Variants in DCUN1D1 observed in about 807,000 individuals in gnomAD.
DCUN1D1 encodes the protein defective in cullin neddylation 1 domain containing 1.
DCUN1D1 carries 3 observed loss-of-function variants against 39.0 expected under a neutral mutation model. The observed-to-expected ratio is 0.08, with a 90% CI of 0.04 to 0.20. The LOEUF is 0.20. DCUN1D1 is among the 10% of genes least tolerant of loss of function. DCUN1D1 has a pLI of 1.00. For missense variants in DCUN1D1, 158 were observed against 302.4 expected (o/e 0.52, Z 3.54); for synonymous variants, 82 against 96.3 (o/e 0.85, Z 0.87).
intron 1 of DCUN1D1, among the ~76,000 whole-genome samples, chr3:182,979,834 G>A (rs1414052050): frequency 2.0e-5 from 3 of 152,038 alleles, no homozygotes; most frequent in Non-Finnish European, 4.4e-5. Flanking sequence ...CAGTAGAGAG[G>A]TAAATATAAC....
chr3:182,955,582 T>C (rs1727003610), intron 4 of DCUN1D1: 1 of 484,508 alleles, frequency 2.1e-6, no homozygotes, highest in East Asian at 5.3e-5. Context: ...ACATACTCCA[T>C]CAGGAGGGTT....
At chr3:182,949,421 G>A (rs1577160807) in intron 4 of DCUN1D1, among the ~76,000 whole-genome samples, 1 of 151,864 alleles carries the variant, frequency 6.6e-6, no homozygotes, top group East Asian at 1.9e-4. Flanking sequence ...CAGATGATTT[G>A]TAAGAAATCA....
At chr3:182,965,180 T>C (rs1240624316) in intron 2 of DCUN1D1, among the ~76,000 whole-genome samples, 1 of 152,220 alleles carries the variant, frequency 6.6e-6, no homozygotes, top group Non-Finnish European at 1.5e-5. Context: ...TATTCACCTA[T>C]TATGCAGTTG....
Position 182,965,589 on chromosome 3 carries a change from T to C in DCUN1D1, c.168A>G (p.Val56=), listed in dbSNP as rs761687935. ...ACTTCTTCCTGTCCAATGATCCTTT[T>C]ACACTCTCTCGTATATAAAGTTCAG... The part of the protein sequence containing the change: ...QNPELYIRES[V]KGSLDRKKLE... The change falls in exon 2 of 7, where the codon GTA becomes GTG. Residue 56 remains valine (V), a synonymous_variant. Coordinates refer to ENST00000292782, the MANE Select transcript of DCUN1D1 (RefSeq NM_020640.4). 6 of 1,613,738 alleles carry C rather than the reference T, an allele frequency of 3.7e-6. No individual in the cohort carries two copies. The Admixed American group carries it at 8.3e-5, about 22-fold the overall frequency.
chr3:182,962,841 C>T (rs1398418785), intron 3 of DCUN1D1, among the ~76,000 whole-genome samples: 1 of 152,062 alleles, frequency 6.6e-6, no homozygotes, highest in Non-Finnish European at 1.5e-5. Context: ...AGTGCAATGG[C>T]GTGATCTCGG....
At chr3:182,981,971 A>G (rs564360283), upstream of DCUN1D1, among the ~76,000 whole-genome samples, 50 of 152,358 alleles carry the variant, frequency 3.3e-4, no homozygotes, top group South Asian at 0.01. Flanking sequence ...CTGAAACTGG[A>G]CTACATCCAC....
rs1726057501 is a variant in DCUN1D1, at chr3:182,939,787, A to G, written c.*5307T>C. 1 of 152,214 alleles carries G rather than the reference A, an allele frequency of 6.6e-6. No individual in the cohort carries two copies. 9.4% of individuals were successfully genotyped at this position (152,214 alleles called of 1,614,324 possible). On this transcript the variant is annotated 3_prime_UTR_variant, in exon 7 of 7. Coordinates refer to ENST00000292782, the MANE Select transcript of DCUN1D1 (RefSeq NM_020640.4). Reference sequence around the variant, plus strand: ...ACTGCACAACTCTTAAGTTTACTAAAAACAATTAATTGTACATGTACAATG... The same window carrying G: ...ACTGCACAACTCTTAAGTTTACTAAGAACAATTAATTGTACATGTACAATG...
intron 1 of DCUN1D1, among the ~76,000 whole-genome samples, chr3:182,972,205 T>A (rs1284861798): frequency 6.6e-6 from 1 of 151,828 alleles, no homozygotes; most frequent in South Asian, 2.1e-4. Flanking sequence ...TAGTTTTAAA[T>A]GTACACAGGT....
Position 182,942,433 on chromosome 3 carries a change from A to G in DCUN1D1, c.*2661T>C, listed in dbSNP as rs998239380. ...TATGACAGGGACTGTAAGAAACACA[A>G]TTGAACTTACAGAGATATGCAGATG... On this transcript the variant is annotated 3_prime_UTR_variant, in exon 7 of 7. Transcript: ENST00000292782. The G allele has an allele frequency of 1.3e-5, 2 of 152,132 alleles. No homozygotes were observed. The highest frequency in any genetic ancestry group is 2.4e-5 in the African/African-American group (1 of 41,436). 9.4% of individuals were successfully genotyped at this position (152,132 alleles called of 1,614,324 possible). A position where few individuals can be genotyped will look rare whatever the true frequency, so the allele number is the denominator to read the frequency against.
chr3:182,976,300 A>G (rs1426647608), intron 1 of DCUN1D1, among the ~76,000 whole-genome samples: 1 of 152,126 alleles, frequency 6.6e-6, no homozygotes, highest in Non-Finnish European at 1.5e-5. Context: ...CGTACCACTC[A>G]GAATCCTTCA....
At chr3:182,958,946 A>C (rs1204167428) in intron 4 of DCUN1D1, among the ~76,000 whole-genome samples, 1 of 152,222 alleles carries the variant, frequency 6.6e-6, no homozygotes, top group African/African-American at 2.4e-5. Flanking sequence ...GAAATAGGTT[A>C]TGTCCCTTTA....
upstream of DCUN1D1, among the ~76,000 whole-genome samples, chr3:182,984,054 G>A (rs1342697724): frequency 6.6e-6 from 1 of 152,238 alleles, no homozygotes. Context: ...GTGTCAAAGT[G>A]AGTGCCTGAC....
intron 6 of DCUN1D1, among the ~76,000 whole-genome samples, chr3:182,945,764 G>A (rs73065095): frequency 0.025 from 3,839 of 152,250 alleles, 151 homozygotes; most frequent in African/African-American, 0.087. Flanking sequence ...CCTATTTCAT[G>A]CTAATACGTT....
chr3:182,978,297 G>GT (rs1336266101), intron 1 of DCUN1D1, among the ~76,000 whole-genome samples: 3 of 152,146 alleles, frequency 2.0e-5, no homozygotes, highest in Non-Finnish European at 4.4e-5. Context: ...ACAAATATAT[G>GT]TAAGATAACT....
At chr3:182,951,640 AAAAAAAC>A (rs1201715545) in intron 4 of DCUN1D1, among the ~76,000 whole-genome samples, 1 of 148,664 alleles carries the variant, frequency 6.7e-6, no homozygotes, top group African/African-American at 2.4e-5. Flanking sequence ...AAAAAAAAAA[AAAAAAAC>A]CACCACACAC....
At chr3:182,956,905 C>T (rs1727101650) in intron 4 of DCUN1D1, among the ~76,000 whole-genome samples, 2 of 152,120 alleles carry the variant, frequency 1.3e-5, no homozygotes, top group Non-Finnish European at 2.9e-5. Context: ...ATATGATGTT[C>T]AACTTTATGG....
At chr3:182,979,818 TG>T (rs1298092801) in intron 1 of DCUN1D1, among the ~76,000 whole-genome samples, 3 of 151,924 alleles carry the variant, frequency 2.0e-5, no homozygotes, top group Non-Finnish European at 4.4e-5. Flanking sequence ...CAGTCTCCCA[TG>T]TTTTCAGTAG....
intron 1 of DCUN1D1, among the ~76,000 whole-genome samples, chr3:182,973,792 T>A (rs1360193696): frequency 6.8e-6 from 1 of 146,348 alleles, no homozygotes; most frequent in Non-Finnish European, 1.5e-5. Context: ...GGGTGACAAG[T>A]GCGAAACTCC....
intron 3 of DCUN1D1, 121 bp downstream of exon 3, chr3:182,963,760 C>A: frequency 1.2e-6 from 1 of 838,754 alleles, no homozygotes; most frequent in Non-Finnish European, 1.8e-6. Context: ...GCAAGTTAAC[C>A]CATTTCTATT....
Sources: allele counts gnomAD v4.1 joint callset (sites outside exome capture counted in the v4.1 genomes callset), GRCh38; gene constraint gnomAD v4.1.1; transcripts MANE v1.5; gene names NCBI Gene and HGNC (gene_info 2026-07-23, HGNC 2026-07-21).